FILIP1: variants seen among roughly 807,000 people sequenced by gnomAD.
FILIP1 encodes filamin A interacting protein 1, also known as filamin-A-interacting protein 1.
A neutral mutation model predicts 102.1 loss-of-function variants in FILIP1; 61 were observed. That is an observed-to-expected ratio of 0.60 (90% CI 0.49 to 0.74). The LOEUF (loss-of-function observed/expected upper bound fraction) is 0.74. FILIP1 is among the 30% of genes least tolerant of loss of function. The pLI is 0.00. For synonymous variants in FILIP1, 491 were observed against 526.9 expected, an observed-to-expected ratio of 0.93 and a Z score of 0.93; for missense variants, 1,314 against 1,441.2, an observed-to-expected ratio of 0.91 and a Z score of 1.43.
intron 1 of FILIP1, among the ~76,000 whole-genome samples, chr6:75,430,979 ATAAG>A (rs1367703916): frequency 1.3e-5 from 2 of 152,236 alleles, no homozygotes; most frequent in African/African-American, 4.8e-5. Context: ...CAGCAAAATA[ATAAG>A]TATGTATATT....
chr6:75,483,137 C>G (rs1489184121), intron 1 of FILIP1, among the ~76,000 whole-genome samples: 1 of 152,104 alleles, frequency 6.6e-6, no homozygotes, highest in African/African-American at 2.4e-5. Context: ...TGTGAAGAAG[C>G]CTGTTCCATA....
intron 2 of FILIP1, among the ~76,000 whole-genome samples, chr6:75,365,798 T>A (rs533447109): frequency 8.6e-5 from 13 of 152,042 alleles, no homozygotes; most frequent in African/African-American, 2.9e-4. Context: ...AGTACCTTCA[T>A]AAAGAAAAAA....
At chr6:75,350,400 GTTT>G (rs10602538) in intron 4 of FILIP1, among the ~76,000 whole-genome samples, 326 of 136,424 alleles carry the variant, frequency 2.4e-3, no homozygotes, top group Middle Eastern at 3.9e-3. Flanking sequence ...TTTTTTTAAA[GTTT>G]TTTTTTTTTT....
At chr6:75,362,326 T>A (rs1188395234) in intron 3 of FILIP1, among the ~76,000 whole-genome samples, 1 of 152,206 alleles carries the variant, frequency 6.6e-6, no homozygotes, top group East Asian at 1.9e-4. Context: ...AAAGAGTTTA[T>A]AAAATTCAAA....
At chr6:75,432,758 T>A (rs1233911912) in intron 1 of FILIP1, among the ~76,000 whole-genome samples, 1 of 152,186 alleles carries the variant, frequency 6.6e-6, no homozygotes, top group African/African-American at 2.4e-5. Flanking sequence ...TGTATACATG[T>A]GCCATGTTGG....
At chr6:75,421,359 T>C (rs923287261) in intron 1 of FILIP1, among the ~76,000 whole-genome samples, 6 of 152,108 alleles carry the variant, frequency 3.9e-5, no homozygotes, top group African/African-American at 7.2e-5. Context: ...TTTTCCCAAT[T>C]ACTCTAAAGC....
At position 75,415,534 on chromosome 6, in the gene FILIP1, A is replaced by G. The variant is rs200289306; in HGVS notation, c.-6-556T>C. On this transcript the variant is annotated intron_variant, in intron 1 of 5. Coordinates refer to ENST00000237172, the MANE Select transcript of FILIP1 (RefSeq NM_015687.5). ...GAGCCAGTTGGATGTCACAGTGTGGAAAAAAAAAAAAAAAAAAAAAGCCCA... is the reference window on the plus strand; with the variant it reads ...GAGCCAGTTGGATGTCACAGTGTGGGAAAAAAAAAAAAAAAAAAAAGCCCA... Among the ~76,000 whole-genome samples the G allele has an allele frequency of 9.6e-3, 1,045 of 108,730 alleles. 27 individuals carry two copies. The East Asian group carries it at 0.12, about 13-fold the overall frequency. The allele number at this position is 108,730 out of a possible 152,430, so 71.3% of individuals were successfully genotyped here.
At chr6:75,402,765 G>T (rs1562551606) in intron 2 of FILIP1, among the ~76,000 whole-genome samples, 1 of 152,232 alleles carries the variant, frequency 6.6e-6, no homozygotes, top group Non-Finnish European at 1.5e-5. Flanking sequence ...TAGAATCATA[G>T]TATTGTAGTG....
intron 6 of FILIP1, among the ~76,000 whole-genome samples, chr6:75,296,194 G>A (rs2149530669): frequency 6.6e-6 from 1 of 152,210 alleles, no homozygotes; most frequent in East Asian, 1.9e-4. Context: ...TAGTAGATCA[G>A]TTTTGACCAA....
chr6:75,441,785 G>A (rs1236745507), intron 1 of FILIP1, among the ~76,000 whole-genome samples: 3 of 149,288 alleles, frequency 2.0e-5, no homozygotes, highest in East Asian at 2.0e-4. Flanking sequence ...AGGGGCAGCC[G>A]GGCAGAGGTG....
chr6:75,305,824 C>G (rs914894575), downstream of FILIP1, among the ~76,000 whole-genome samples: 5 of 146,602 alleles, frequency 3.4e-5, no homozygotes, highest in African/African-American at 1.2e-4. Context: ...GCCCACCCTT[C>G]CCACCCCAAA....
At chr6:75,465,674 C>T in intron 1 of FILIP1, 1 of 241,800 alleles carries the variant, frequency 4.1e-6, no homozygotes, top group Non-Finnish European at 7.9e-6. Flanking sequence ...CTTCAAAGTA[C>T]TGGAAAGGAA....
intron 6 of FILIP1, among the ~76,000 whole-genome samples, chr6:75,301,335 A>G (rs1401682789): frequency 1.3e-5 from 2 of 152,228 alleles, no homozygotes; most frequent in African/African-American, 4.8e-5. Context: ...ACTCACTTGT[A>G]GTAGTTTCAT....
At chr6:75,479,438 T>C (rs539913399) in intron 1 of FILIP1, among the ~76,000 whole-genome samples, 13 of 152,228 alleles carry the variant, frequency 8.5e-5, no homozygotes, top group Admixed American at 1.3e-4. Flanking sequence ...TTTGTCAATG[T>C]ATTTGTTGAA....
chr6:75,319,674 C>CA (rs1582336050), intron 4 of FILIP1: 1 of 342,408 alleles, frequency 2.9e-6, no homozygotes, highest in African/African-American at 2.1e-5. Flanking sequence ...ACTAAAAATA[C>CA]AAAAAATTAG....
intron 2 of FILIP1, among the ~76,000 whole-genome samples, chr6:75,368,159 G>A (rs1046971523): frequency 2.0e-5 from 3 of 152,174 alleles, no homozygotes; most frequent in African/African-American, 7.2e-5. Flanking sequence ...GGGAGGCCAA[G>A]AACAAGGATG....
At chr6:75,319,831 CAAA>C in intron 4 of FILIP1, 3 of 344,914 alleles carry the variant, frequency 8.7e-6, no homozygotes, top group South Asian at 7.1e-5. Flanking sequence ...CTCCGTCCCC[CAAA>C]AAAAAAAAGA....
rs200000210 is a variant in FILIP1 at position 75,397,155 on chromosome 6, T to TA, written c.276+17541dup. ...CGTTGTGCACATGTACCCTAAAACT[T>TA]AAAGTATAATAAAAAAAAGTAGTTT... On this transcript the variant is annotated intron_variant, in intron 2 of 5. Coordinates refer to ENST00000237172, the MANE Select transcript of FILIP1 (RefSeq NM_015687.5). 4.9e-3 allele frequency among the ~76,000 whole-genome samples: 741 copies of TA among 151,758 alleles called. 5 individuals are homozygous for TA. Among genetic ancestry groups the TA allele is most frequent in the African/African-American group, 0.017 (702 of 41,386 alleles).
At chr6:75,299,916 A>T (rs1353352298) in intron 6 of FILIP1, among the ~76,000 whole-genome samples, 1 of 152,202 alleles carries the variant, frequency 6.6e-6, no homozygotes, top group African/African-American at 2.4e-5. Flanking sequence ...TGCATGAGAT[A>T]GGATTTGGGG....
Sources: allele counts gnomAD v4.1 joint callset (sites outside exome capture counted in the v4.1 genomes callset), GRCh38; gene constraint gnomAD v4.1.1; transcripts MANE v1.5; gene names NCBI Gene and HGNC (gene_info 2026-07-23, HGNC 2026-07-21).